ANGEL1: variants seen among roughly 807,000 people sequenced by gnomAD.
The protein encoded by ANGEL1 is RNA 2',3'-cyclic phosphatase ANGEL1.
ANGEL1 carries 62 observed loss-of-function variants against 76.4 expected under a neutral mutation model. The ratio of observed to expected loss-of-function variants is 0.81; its 90% CI spans 0.66 to 1.00. The LOEUF (loss-of-function observed/expected upper bound fraction) is 1.00. ANGEL1 is among the 50% of genes least tolerant of loss of function. The pLI is 0.00. For synonymous variants in ANGEL1, 340 were observed against 331.7 expected, an observed-to-expected ratio of 1.03 and a Z score of -0.27; for missense variants, 737 against 836.7, an observed-to-expected ratio of 0.88 and a Z score of 1.47.
In ANGEL1 at chr14:76,788,971, GC is replaced by G; in HGVS notation, c.*256del. On this transcript the variant is annotated 3_prime_UTR_variant, in exon 10 of 10. Coordinates refer to ENST00000251089, the MANE Select transcript of ANGEL1 (RefSeq NM_015305.4). ...GCTGGATACATGGAAGGAAGGGGGA[GC>G]CCCCCTTCTGCCTCTCCCAGGGCCA... 2 of 435,384 alleles carry G rather than the reference GC, an allele frequency of 4.6e-6. No homozygotes were observed. The highest frequency in any genetic ancestry group is 8.2e-6 in the Non-Finnish European group (2 of 244,160). The allele number at this position is 435,384 out of a possible 1,614,324, so 27.0% of individuals were successfully genotyped here.
chr14:76,812,840 G>C lies in ANGEL1; in HGVS notation c.-13C>G. 5 of 1,506,488 alleles carry C rather than the reference G, an allele frequency of 3.3e-6. No individual in the cohort carries two copies. Among genetic ancestry groups the C allele is most frequent in the Non-Finnish European group, 3.5e-6 (4 of 1,131,516 alleles). 93.3% of individuals were successfully genotyped at this position (1,506,488 alleles called of 1,614,324 possible). ...ACGACGCGATCATGGCCGGCCGCCC[G>C]CGCCCGCCTCCGCTCCTCACTGCAG... On this transcript the variant is annotated 5_prime_UTR_variant, in exon 1 of 10. Coordinates refer to ENST00000251089, the MANE Select transcript of ANGEL1 (RefSeq NM_015305.4).
chr14:76,790,652 A>G lies in ANGEL1; in HGVS notation c.1811T>C (p.Ile604Thr). ...CTCACAGGACTCAGCTGAGAAGAAGATGTAATCTACTGTCATTCCAAGACC... is the reference window on the plus strand; with the variant it reads ...CTCACAGGACTCAGCTGAGAAGAAGGTGTAATCTACTGTCATTCCAAGACC... ...PLGLGMTVDY[I>T]FFSAESCENG... The change falls in exon 9 of 10, where the codon ATC becomes ACC. Residue 604 changes from isoleucine (I) to threonine (T), a missense_variant. This residue lies in a region of ANGEL1 where 296 missense variants were observed against 387.2 expected (regional missense o/e 0.76). Coordinates refer to ENST00000251089, the MANE Select transcript of ANGEL1 (RefSeq NM_015305.4). 6.2e-7 allele frequency: 1 copy of G among 1,614,100 alleles called. No homozygotes were observed.
rs1469335506 is a variant in ANGEL1, at chr14:76,787,434, A to AG, written c.*1793dup. ...GAGAACAGTGATGGGCCCTAGTCCT[A>AG]GGAACCCACAGGGCACTGTCTTGAG... On this transcript the variant is annotated 3_prime_UTR_variant, in exon 10 of 10. Coordinates refer to ENST00000251089, the MANE Select transcript of ANGEL1 (RefSeq NM_015305.4). 3 of 152,594 alleles carry AG rather than the reference A, an allele frequency of 2.0e-5. No individual in the cohort carries two copies. Among genetic ancestry groups the AG allele is most frequent in the Non-Finnish European group, 4.4e-5 (3 of 68,048 alleles). The allele number at this position is 152,594 out of a possible 1,614,324, so 9.5% of individuals were successfully genotyped here. A position where few individuals can be genotyped will look rare whatever the true frequency, so the allele number is the denominator to read the frequency against.
intron 7 of ANGEL1, among the ~76,000 whole-genome samples, chr14:76,799,935 A>C (rs1894712047): frequency 6.6e-6 from 1 of 151,394 alleles, no homozygotes; most frequent in Non-Finnish European, 1.5e-5. Flanking sequence ...ATTAGATTTG[A>C]GATTCATCAA....
chr14:76,798,054 T>A (rs538200416), intron 7 of ANGEL1, among the ~76,000 whole-genome samples: 2 of 151,764 alleles, frequency 1.3e-5, no homozygotes, highest in African/African-American at 4.8e-5. Flanking sequence ...TTCCTCTTCC[T>A]CTTCTACCAC....
At chr14:76,803,617 T>G in intron 6 of ANGEL1, 136 bp from the exon 7 acceptor site, 1 of 1,341,884 alleles carries the variant, frequency 7.5e-7, no homozygotes, top group Non-Finnish European at 1.0e-6. Flanking sequence ...CCAAAGGCTA[T>G]GATTTAAAGT....
chr14:76,790,657 A>T lies in ANGEL1; in HGVS notation c.1806T>A (p.Asp602Glu), dbSNP rs1467701957. 3.1e-6 allele frequency: 5 copies of T among 1,614,104 alleles called. No individual in the cohort carries two copies. Among genetic ancestry groups the T allele is most frequent in the Non-Finnish European group, 4.2e-6 (5 of 1,180,002 alleles). Residue 602 changes from aspartate to glutamate, a missense_variant, in exon 9 of 10, where the codon GAT (aspartate) becomes GAA (glutamate). Asp to Glu is a conservative substitution (Grantham distance 45). Coordinates refer to ENST00000251089, the MANE Select transcript of ANGEL1 (RefSeq NM_015305.4). Reference sequence around the variant, plus strand: ...AGGACTCAGCTGAGAAGAAGATGTAATCTACTGTCATTCCAAGACCCAATG... The same window carrying T: ...AGGACTCAGCTGAGAAGAAGATGTATTCTACTGTCATTCCAAGACCCAATG... ...TMPLGLGMTV[D>E]YIFFSAESCE...
chr14:76,798,068 G>A (rs1417219921), intron 7 of ANGEL1, among the ~76,000 whole-genome samples: 1 of 151,474 alleles, frequency 6.6e-6, no homozygotes, highest in South Asian at 2.1e-4. Context: ...CTACCACTGA[G>A]AAGATGATGC....
intron 5 of ANGEL1, among the ~76,000 whole-genome samples, chr14:76,805,406 C>A (rs1462379164): frequency 6.6e-6 from 1 of 152,180 alleles, no homozygotes; most frequent in African/African-American, 2.4e-5. Context: ...TCCTTTAGGG[C>A]AAGATCATGC....
chr14:76,794,308 T>TC, intron 7 of ANGEL1, among the ~76,000 whole-genome samples: 1 of 151,920 alleles, frequency 6.6e-6, no homozygotes, highest in South Asian at 2.1e-4. Context: ...ATAAAGCTGT[T>TC]CAAAAAAAAG....
intron 7 of ANGEL1, among the ~76,000 whole-genome samples, chr14:76,793,508 G>A (rs576968445): frequency 1.3e-5 from 2 of 149,688 alleles, no homozygotes; most frequent in African/African-American, 4.9e-5. Flanking sequence ...AAAAAGGAAA[G>A]GAAAGATTTG....
At chr14:76,789,953 C>T (rs953167062) in intron 9 of ANGEL1, among the ~76,000 whole-genome samples, 1 of 151,592 alleles carries the variant, frequency 6.6e-6, no homozygotes, top group Non-Finnish European at 1.5e-5. Flanking sequence ...TAACCTCTGC[C>T]TCCCGAGTTC....
intron 5 of ANGEL1, among the ~76,000 whole-genome samples, chr14:76,805,335 T>C (rs1263631857): frequency 6.6e-6 from 1 of 152,232 alleles, no homozygotes; most frequent in Non-Finnish European, 1.5e-5. Flanking sequence ...TAACAGTGCC[T>C]GTCATGTGGC....
rs1230486891 is a variant in ANGEL1, at chr14:76,812,175, C to G, written c.64+589G>C. 9 of 924,966 alleles carry G rather than the reference C, an allele frequency of 9.7e-6. No individual in the cohort carries two copies. The African/African-American group carries it at 1.6e-4, about 17-fold the overall frequency. The allele number at this position is 924,966 out of a possible 1,614,324, so 57.3% of individuals were successfully genotyped here. On this transcript the variant is annotated intron_variant, in intron 1 of 9. Coordinates refer to ENST00000251089, the MANE Select transcript of ANGEL1 (RefSeq NM_015305.4). ...CCCAGCACATCTCCCTCTAAACCGC[C>G]GGGAGTGGGGGCAGGAATGCTCCAA...
At chr14:76,808,809 T>C (rs966619899) in intron 2 of ANGEL1, among the ~76,000 whole-genome samples, 2 of 152,188 alleles carry the variant, frequency 1.3e-5, no homozygotes, top group Non-Finnish European at 2.9e-5. Context: ...TTTCAGTTCT[T>C]CCCCTACCTG....
chr14:76,804,214 A>G lies in ANGEL1; in HGVS notation c.1381-302T>C, dbSNP rs1173985775. On this transcript the variant is annotated intron_variant, in intron 5 of 9. Coordinates refer to ENST00000251089, the MANE Select transcript of ANGEL1 (RefSeq NM_015305.4). ...ATTTTACCTCTGAAAAATCAATACA[A>G]TTCTCCTCCACAGGGAATATCAACT... The G allele has an allele frequency of 3.6e-6, 5 of 1,401,736 alleles. No individual in the cohort carries two copies. The South Asian group carries it at 4.9e-5, about 14-fold the overall frequency. 86.8% of individuals were successfully genotyped at this position (1,401,736 alleles called of 1,614,324 possible). A position where few individuals can be genotyped will look rare whatever the true frequency, so the allele number is the denominator to read the frequency against.
intron 1 of ANGEL1, among the ~76,000 whole-genome samples, chr14:76,810,587 T>C (rs1267184020): frequency 6.6e-6 from 1 of 152,134 alleles, no homozygotes; most frequent in Non-Finnish European, 1.5e-5. Flanking sequence ...TCTATACAAT[T>C]TACATCTTAG....
At chr14:76,792,325 T>A (rs1049665081) in intron 7 of ANGEL1, among the ~76,000 whole-genome samples, 13 of 152,028 alleles carry the variant, frequency 8.6e-5, no homozygotes, top group Non-Finnish European at 1.9e-4. Flanking sequence ...CCAGCAAACA[T>A]TTCAAGAGGA....
chr14:76,805,479 G>T (rs1327665728), intron 5 of ANGEL1, among the ~76,000 whole-genome samples: 1 of 152,134 alleles, frequency 6.6e-6, no homozygotes, highest in Non-Finnish European at 1.5e-5. Context: ...TAATACAATC[G>T]TTTTGTGTCC....
Sources: allele counts gnomAD v4.1 joint callset (sites outside exome capture counted in the v4.1 genomes callset), GRCh38; gene constraint gnomAD v4.1.1; regional missense constraint gnomAD v4.1.1; transcripts MANE v1.5; gene names NCBI Gene and HGNC (gene_info 2026-07-23, HGNC 2026-07-21).